Variants in PARD3 observed in about 807,000 individuals in gnomAD.
The protein encoded by PARD3 is par-3 family cell polarity regulator.
PARD3 carries 75 observed loss-of-function variants against 155.4 expected under a neutral mutation model. The observed-to-expected ratio is 0.48, with a 90% confidence interval of 0.40 to 0.58. The LOEUF (loss-of-function observed/expected upper bound fraction) is 0.58. Among genes scored for constraint, PARD3 ranks in the 20% least tolerant of loss-of-function variants. The pLI is 0.00. For synonymous variants in PARD3, 576 were observed against 610.5 expected, an observed-to-expected ratio of 0.94 and a Z score of 0.83; for missense variants, 1,642 against 1,721.7, an observed-to-expected ratio of 0.95 and a Z score of 0.82.
At chr10:34,222,413 G>T (rs1952350668) in intron 22 of PARD3, among the ~76,000 whole-genome samples, 1 of 152,170 alleles carries the variant, frequency 6.6e-6, no homozygotes. Flanking sequence ...CTCCTACTAG[G>T]GACTGACAGC....
chr10:34,511,599 C>T (rs1011076346), intron 3 of PARD3, among the ~76,000 whole-genome samples: 7 of 152,250 alleles, frequency 4.6e-5, no homozygotes, highest in Admixed American at 1.3e-4. Context: ...TTATACTAAG[C>T]TATTTTTATG....
Position 34,367,623 on chromosome 10 carries a change from G to A in PARD3, c.1707+4875C>T, listed in dbSNP as rs576717243. On this transcript the variant is annotated intron_variant, in intron 12 of 24. Transcript: ENST00000374788. Reference sequence around the variant, plus strand: ...GGAGGCTAAGGCAGGAGAATTGCTTGAGCCTGGGCGAGAAGGTTGCAGTGA... The same window carrying A: ...GGAGGCTAAGGCAGGAGAATTGCTTAAGCCTGGGCGAGAAGGTTGCAGTGA... Among the ~76,000 whole-genome samples the A allele has an allele frequency of 2.6e-5, 4 of 152,244 alleles. No homozygotes were observed. In the South Asian group the frequency reaches 8.3e-4, roughly 32 times the overall value.
intron 2 of PARD3, among the ~76,000 whole-genome samples, chr10:34,546,080 T>C (rs1348796949): frequency 6.6e-6 from 1 of 152,200 alleles, no homozygotes; most frequent in Non-Finnish European, 1.5e-5. Flanking sequence ...AAATTAGAAA[T>C]ACAATAAATA....
chr10:34,716,235 G>T (rs1318444087), intron 1 of PARD3, among the ~76,000 whole-genome samples: 1 of 152,094 alleles, frequency 6.6e-6, no homozygotes, highest in East Asian at 1.9e-4. Context: ...TATGGTACAT[G>T]GTGTCTCAGA....
At chr10:34,659,932 G>A (rs1005718652) in intron 2 of PARD3, among the ~76,000 whole-genome samples, 1 of 152,044 alleles carries the variant, frequency 6.6e-6, no homozygotes, top group African/African-American at 2.4e-5. Flanking sequence ...CCATTCAAAG[G>A]TTATTTACAT....
chr10:34,341,182 T>C (rs1406262567), intron 16 of PARD3, among the ~76,000 whole-genome samples: 1 of 35,476 alleles, frequency 2.8e-5, no homozygotes, highest in Non-Finnish European at 5.9e-5. Context: ...TATAGCACTC[T>C]GAAAAAAAAA....
intron 5 of PARD3, among the ~76,000 whole-genome samples, chr10:34,419,521 AAAAAG>A (rs1455890335): frequency 2.6e-5 from 4 of 152,314 alleles, no homozygotes; most frequent in Admixed American, 6.5e-5. Context: ...CGTCTCAAAA[AAAAAG>A]AAAAGAAAAG....
chr10:34,653,544 C>T (rs2093077225), intron 2 of PARD3, among the ~76,000 whole-genome samples: 1 of 152,104 alleles, frequency 6.6e-6, no homozygotes, highest in South Asian at 2.1e-4. Context: ...GCACGAGATA[C>T]CACATGAACC....
At chr10:34,155,236 A>G (rs764134725) in intron 22 of PARD3, among the ~76,000 whole-genome samples, 13 of 152,188 alleles carry the variant, frequency 8.5e-5, no homozygotes, top group Non-Finnish European at 1.5e-4. Context: ...CTGGGGACTG[A>G]TTATTCTTTT....
chr10:34,193,647 T>G (rs1427049154), intron 22 of PARD3, among the ~76,000 whole-genome samples: 1 of 152,238 alleles, frequency 6.6e-6, no homozygotes. Context: ...CTATTTCTTT[T>G]AGCAATGGGT....
At chr10:34,686,462 G>A (rs889073628) in intron 2 of PARD3, among the ~76,000 whole-genome samples, 17 of 150,992 alleles carry the variant, frequency 1.1e-4, no homozygotes, top group African/African-American at 2.9e-4. Flanking sequence ...AGGGCCAGGC[G>A]CAGTAGCTCA....
At chr10:34,688,976 G>C (rs559979564) in intron 2 of PARD3, among the ~76,000 whole-genome samples, 1 of 152,290 alleles carries the variant, frequency 6.6e-6, no homozygotes, top group Admixed American at 6.5e-5. Context: ...AACTTAGTGA[G>C]CCTAAATAGC....
chr10:34,620,051 C>A (rs550671635), intron 2 of PARD3, among the ~76,000 whole-genome samples: 11 of 152,312 alleles, frequency 7.2e-5, no homozygotes, highest in Non-Finnish European at 1.3e-4. Context: ...TCCTCAGAGA[C>A]CCCACTCTCA....
At chr10:34,343,803 T>G (rs534636235) in intron 15 of PARD3, 1 of 981,274 alleles carries the variant, frequency 1.0e-6, no homozygotes, top group South Asian at 4.7e-5. Flanking sequence ...TTCAACTAGT[T>G]AACTAGTGAC....
intron 19 of PARD3, 25 bp from the exon 20 acceptor site, chr10:34,317,363 G>A (rs745694305): frequency 1.3e-6 from 2 of 1,574,566 alleles, no homozygotes; most frequent in South Asian, 1.2e-5. Context: ...AAAAAAAATA[G>A]GGACACAGTG....
intron 2 of PARD3, among the ~76,000 whole-genome samples, chr10:34,683,173 T>TG (rs2093877936): frequency 6.6e-6 from 1 of 151,942 alleles, no homozygotes. Context: ...CATTCATAAG[T>TG]GGAAGCTAAA....
intron 2 of PARD3, among the ~76,000 whole-genome samples, chr10:34,603,811 G>A (rs2089993578): frequency 1.3e-5 from 2 of 152,212 alleles, no homozygotes; most frequent in Middle Eastern, 3.4e-3. Context: ...GAAAAAGATG[G>A]GCAGGCAGTA....
At chr10:34,490,905 T>A (rs2079856685) in intron 3 of PARD3, among the ~76,000 whole-genome samples, 1 of 152,184 alleles carries the variant, frequency 6.6e-6, no homozygotes, top group Non-Finnish European at 1.5e-5. Context: ...AAATTTGGTC[T>A]AGGAAGAAGC....
At chr10:34,482,838 C>G (rs1461520101) in intron 3 of PARD3, among the ~76,000 whole-genome samples, 1 of 151,522 alleles carries the variant, frequency 6.6e-6, no homozygotes, top group Admixed American at 6.6e-5. Flanking sequence ...TAAGAGTGAG[C>G]TATTTTCCTT....
Sources: allele counts gnomAD v4.1 joint callset (sites outside exome capture counted in the v4.1 genomes callset), GRCh38; gene constraint gnomAD v4.1.1; transcripts MANE v1.5; gene names NCBI Gene and HGNC (gene_info 2026-07-23, HGNC 2026-07-21).